Variants in TMEM196 observed in about 807,000 individuals in gnomAD.
TMEM196 encodes the protein transmembrane protein 196.
In TMEM196, 17 loss-of-function variants were observed where a neutral mutation model predicts 20.0. That is an observed-to-expected ratio of 0.85 (90% CI 0.58 to 1.27). The LOEUF (loss-of-function observed/expected upper bound fraction) is 1.27, where lower values mean the gene tolerates loss of function less well. Ranked by LOEUF, TMEM196 falls within the 50% of genes most tolerant of loss-of-function variation. TMEM196 has a pLI of 0.00. For synonymous variants in TMEM196, 113 were observed against 88.9 expected (o/e 1.27, Z -1.52); for missense variants, 267 against 223.0 (o/e 1.20, Z -1.26).
At chr7:19,744,164 G>T (rs1784670059) in intron 1 of TMEM196, among the ~76,000 whole-genome samples, 1 of 152,166 alleles carries the variant, frequency 6.6e-6, no homozygotes, top group Non-Finnish European at 1.5e-5. Context: ...GAGCCTCGTT[G>T]ATTTGTGTTG....
At chr7:19,748,263 CAAAAAAAAAAAAA>C (rs57276805) in intron 1 of TMEM196, among the ~76,000 whole-genome samples, 3 of 20,778 alleles carry the variant, frequency 1.4e-4, no homozygotes, top group Admixed American at 7.4e-4. Flanking sequence ...TGTGGCTGTC[CAAAAAAAAAAAAA>C]AAAAAAAAAA....
In TMEM196 at chr7:19,725,541, C is replaced by T. The variant is rs1235214734; in HGVS notation, c.432G>A (p.Leu144=). 4 of 1,611,950 alleles carry T rather than the reference C, an allele frequency of 2.5e-6. No homozygotes were observed. The highest frequency in any genetic ancestry group is 3.4e-6 in the Non-Finnish European group (4 of 1,178,346). The change falls in exon 3 of 5, where the codon CTG becomes CTA. Residue 144 remains leucine, a synonymous_variant. Transcript: ENST00000405844. The part of the protein sequence containing the change: ...RRMFSEREHS[L]HHSHEMAEKR... ...TCTCAGCCATTTCATGAGAGTGATGCAGGGAATGCTCCCTTTCTGAGAACA... is the reference window on the plus strand; with the variant it reads ...TCTCAGCCATTTCATGAGAGTGATGTAGGGAATGCTCCCTTTCTGAGAACA...
At chr7:19,751,282 A>G (rs946522048) in intron 1 of TMEM196, among the ~76,000 whole-genome samples, 15 of 152,302 alleles carry the variant, frequency 9.8e-5, no homozygotes, top group African/African-American at 3.6e-4. Flanking sequence ...GCACTAGTGG[A>G]ACCGTATTTA....
At chr7:19,740,722 G>A (rs149851846) in intron 1 of TMEM196, among the ~76,000 whole-genome samples, 103 of 152,122 alleles carry the variant, frequency 6.8e-4, no homozygotes, top group Non-Finnish European at 1.1e-3. Flanking sequence ...AACCACCGAG[G>A]TCATTGTTTT....
intron 1 of TMEM196, among the ~76,000 whole-genome samples, chr7:19,754,496 A>T (rs1374133991): frequency 6.6e-6 from 1 of 152,228 alleles, no homozygotes; most frequent in African/African-American, 2.4e-5. Context: ...TCTAATCAGT[A>T]GAATACAGAT....
chr7:19,757,222 G>T, intron 1 of TMEM196, among the ~76,000 whole-genome samples: 1 of 145,418 alleles, frequency 6.9e-6, no homozygotes, highest in East Asian at 2.0e-4. Context: ...CACCCAGGCT[G>T]GAGTGCAGTG....
rs1260450298 is a variant in TMEM196 at position 19,772,968 on chromosome 7, C to T, written c.-272G>A. On this transcript the variant is annotated 5_prime_UTR_variant, in exon 1 of 5. It adds an upstream start codon to the 5' untranslated region. Transcript: ENST00000405844. ...GGTTCGGTGGTGCGAAGATTGCACACCGGTACCGGGGCTTTTAAGCAGCGG... is the reference window on the plus strand; with the variant it reads ...GGTTCGGTGGTGCGAAGATTGCACATCGGTACCGGGGCTTTTAAGCAGCGG... 1 of 311,892 alleles carries T rather than the reference C, an allele frequency of 3.2e-6. No individual in the cohort carries two copies. The highest frequency in any genetic ancestry group is 5.0e-5 in the Admixed American group (1 of 19,838). 19.3% of individuals were successfully genotyped at this position (311,892 alleles called of 1,614,324 possible).
intron 1 of TMEM196, among the ~76,000 whole-genome samples, chr7:19,755,297 C>T (rs1282740621): frequency 6.6e-6 from 1 of 152,140 alleles, no homozygotes; most frequent in Non-Finnish European, 1.5e-5. Context: ...TAAACTCCTC[C>T]TGGTCGACTG....
intron 1 of TMEM196, among the ~76,000 whole-genome samples, chr7:19,763,571 A>G (rs1408958683): frequency 6.6e-6 from 1 of 152,200 alleles, no homozygotes; most frequent in Non-Finnish European, 1.5e-5. Flanking sequence ...TATGTAGAGT[A>G]AACAGTTTCT....
chr7:19,739,994 C>T (rs145418698), intron 1 of TMEM196, among the ~76,000 whole-genome samples: 1 of 152,188 alleles, frequency 6.6e-6, no homozygotes, highest in Non-Finnish European at 1.5e-5. Context: ...TCTCCTTTGC[C>T]TCAGCAGTCC....
chr7:19,724,315 G>A lies in TMEM196; in HGVS notation c.498C>T (p.Cys166=), dbSNP rs569033283. 3,987 of 1,550,294 alleles carry A rather than the reference G, an allele frequency of 2.6e-3. 5 individuals are homozygous for A. The highest frequency in any genetic ancestry group is 3.3e-3 in the Non-Finnish European group (3,744 of 1,146,832). ...RAIEITDLPS[C]PVVPPTPELP... is the part of the protein sequence containing the mutation. ...ACTCTGGTGTCGGGGGCACCACCGGGCAGCTGGGCAAGTCGGTTATTTCAA... is the reference window on the plus strand; with the variant it reads ...ACTCTGGTGTCGGGGGCACCACCGGACAGCTGGGCAAGTCGGTTATTTCAA... Residue 166 remains cysteine (C), a synonymous_variant, in exon 4 of 5, where the codon TGC becomes TGT. Coordinates refer to ENST00000405844, the MANE Select transcript of TMEM196 (RefSeq NM_001363562.2).
At chr7:19,761,069 C>G (rs1785416159) in intron 1 of TMEM196, among the ~76,000 whole-genome samples, 1 of 152,188 alleles carries the variant, frequency 6.6e-6, no homozygotes, top group African/African-American at 2.4e-5. Context: ...AGCCTAATCC[C>G]TGCAGGTCCC....
chr7:19,770,279 GT>G (rs575767993), intron 1 of TMEM196, among the ~76,000 whole-genome samples: 2 of 152,200 alleles, frequency 1.3e-5, no homozygotes, highest in Middle Eastern at 3.4e-3. Context: ...CTATGGAGTA[GT>G]TTTTTTAAGA....
chr7:19,763,844 C>T (rs1192610918), intron 1 of TMEM196, among the ~76,000 whole-genome samples: 2 of 152,020 alleles, frequency 1.3e-5, no homozygotes, highest in African/African-American at 4.8e-5. Context: ...AGAACAACTC[C>T]ATGAGATAAG....
chr7:19,724,156 A>C, intron 4 of TMEM196, 124 bp downstream of exon 4: 1 of 859,402 alleles, frequency 1.2e-6, no homozygotes, highest in Non-Finnish European at 1.8e-6. Flanking sequence ...CGAAAGCGAT[A>C]CTTTGAGAAA....
rs1273369202 is a variant in TMEM196, at chr7:19,772,677, A to G, written c.20T>C (p.Ile7Thr). 1.3e-6 allele frequency: 2 copies of G among 1,527,756 alleles called. No homozygotes were observed. The highest frequency in any genetic ancestry group is 2.1e-5 in the Admixed American group (1 of 48,778). 94.6% of individuals were successfully genotyped at this position (1,527,756 alleles called of 1,614,324 possible). Residue 7 changes from isoleucine to threonine, a missense_variant, in exon 1 of 5, where the codon ATT (isoleucine) becomes ACT (threonine). Coordinates refer to ENST00000405844, the MANE Select transcript of TMEM196 (RefSeq NM_001363562.2). Reference sequence around the variant, plus strand: ...GGAGAGCACCAAGAGGCTCCCAATAATCTGACCGCTGGTGCACATCCTTCC... The same window carrying G: ...GGAGAGCACCAAGAGGCTCCCAATAGTCTGACCGCTGGTGCACATCCTTCC... MCTSGQ[I>T]IGSLLVLSVL... is the part of the protein sequence containing the mutation.
chr7:19,772,734 A>C lies in TMEM196; in HGVS notation c.-38T>G. ...ATCTTCCTTCCAGATCAGAGAGGGA[A>C]ATCAACCATCTACCTTTTTTTCTTC... On this transcript the variant is annotated 5_prime_UTR_variant, in exon 1 of 5. In the 5' UTR this introduces an upstream ATG that the reference lacks. Coordinates refer to ENST00000405844, the MANE Select transcript of TMEM196 (RefSeq NM_001363562.2). 1 of 1,443,484 alleles carries C rather than the reference A, an allele frequency of 6.9e-7. No individual in the cohort carries two copies. 89.4% of individuals were successfully genotyped at this position (1,443,484 alleles called of 1,614,324 possible).
At chr7:19,727,700 G>A (rs1784049678) in intron 2 of TMEM196, among the ~76,000 whole-genome samples, 1 of 152,086 alleles carries the variant, frequency 6.6e-6, no homozygotes, top group African/African-American at 2.4e-5. Flanking sequence ...ATTAATTATT[G>A]TTATAGAGAA....
intron 1 of TMEM196, among the ~76,000 whole-genome samples, chr7:19,765,320 T>G (rs1785584206): frequency 6.6e-6 from 1 of 152,170 alleles, no homozygotes; most frequent in Non-Finnish European, 1.5e-5. Flanking sequence ...TAATGGAACT[T>G]AGAGTTGCTT....
Sources: gnomAD v4.1 joint callset for allele counts (sites outside exome capture counted in the v4.1 genomes callset) on GRCh38, gnomAD v4.1.1 for gene constraint, MANE v1.5 for transcripts, NCBI Gene and HGNC (gene_info 2026-07-23, HGNC 2026-07-21) for gene names.